The following SH3KBP1 variants were observed in gnomAD, a reference collection of about 807,000 sequenced individuals.
SH3KBP1 encodes the protein SH3 domain containing kinase binding protein 1, also known as SH3 domain-containing kinase-binding protein 1.
Under a neutral mutation model 50.1 loss-of-function variants are expected in SH3KBP1, and 8 were observed. The ratio of observed to expected loss-of-function variants is 0.16; its 90% CI spans 0.09 to 0.29. The LOEUF is 0.29. Ranked by LOEUF, SH3KBP1 falls within the 10% of genes least tolerant of loss-of-function variation. SH3KBP1 has a pLI of 1.00. For synonymous variants in SH3KBP1, 227 were observed against 218.6 expected, an observed-to-expected ratio of 1.04 and a Z score of -0.34; for missense variants, 377 against 535.2, an observed-to-expected ratio of 0.70 and a Z score of 2.92.
At chrX:19,638,403 C>T (rs1288564699) in intron 7 of SH3KBP1, among the ~76,000 whole-genome samples, 3 of 77,924 alleles carry the variant, frequency 3.8e-5, no homozygotes, top group African/African-American at 6.6e-5. Flanking sequence ...GAGCAGACTC[C>T]GTCTCAAAAA....
intron 6 of SH3KBP1, among the ~76,000 whole-genome samples, chrX:19,660,476 T>A (rs2062418932): frequency 9.0e-6 from 1 of 111,200 alleles, no homozygotes; most frequent in Non-Finnish European, 1.9e-5. Context: ...AAGCGATAAC[T>A]GAAAAATGGA....
intron 3 of SH3KBP1, among the ~76,000 whole-genome samples, chrX:19,714,836 T>C (rs2063865164): frequency 8.9e-6 from 1 of 112,491 alleles, no homozygotes; most frequent in South Asian, 3.6e-4. Flanking sequence ...TAATTCTAGA[T>C]AATAGCATGT....
intron 6 of SH3KBP1, among the ~76,000 whole-genome samples, chrX:19,646,162 G>A (rs1006083571): frequency 1.3e-4 from 14 of 111,795 alleles, no homozygotes; most frequent in Admixed American, 1.0e-3. Flanking sequence ...AAAATCCAGC[G>A]CCTCAGACCC....
chrX:19,731,352 G>A (rs1202704813), intron 3 of SH3KBP1, among the ~76,000 whole-genome samples: 2 of 112,318 alleles, frequency 1.8e-5, no homozygotes, highest in Admixed American at 1.9e-4. Flanking sequence ...ACTCGCCATC[G>A]CATGTTACAC....
intron 2 of SH3KBP1, among the ~76,000 whole-genome samples, chrX:19,817,535 T>C (rs1197705740): frequency 8.9e-6 from 1 of 112,587 alleles, no homozygotes; most frequent in Non-Finnish European, 1.9e-5. Flanking sequence ...CTACATAACA[T>C]TGTTTTTGTC....
chrX:19,618,100 C>T (rs6633290), intron 8 of SH3KBP1, among the ~76,000 whole-genome samples: 1 of 110,518 alleles, frequency 9.0e-6, no homozygotes, highest in Non-Finnish European at 1.9e-5. Context: ...AAAGATGTTT[C>T]TAGGGCTAGG....
intron 6 of SH3KBP1, among the ~76,000 whole-genome samples, chrX:19,646,838 C>T (rs1382718898): frequency 2.7e-5 from 3 of 111,320 alleles, no homozygotes; most frequent in African/African-American, 9.9e-5. Flanking sequence ...TATTTAGTGC[C>T]GCAGGGCCTT....
chrX:19,832,077 A>C (rs1225538925), intron 2 of SH3KBP1, among the ~76,000 whole-genome samples: 1 of 112,399 alleles, frequency 8.9e-6, no homozygotes, highest in Non-Finnish European at 1.9e-5. Context: ...AAAGAATAGA[A>C]GTTTCTTTTT....
At chrX:19,832,656 C>G (rs2067928444) in intron 2 of SH3KBP1, among the ~76,000 whole-genome samples, 1 of 110,741 alleles carries the variant, frequency 9.0e-6, no homozygotes, top group Non-Finnish European at 1.9e-5. Context: ...CCCCCGCCCC[C>G]CAATCTCACT....
intron 1 of SH3KBP1, among the ~76,000 whole-genome samples, chrX:19,880,577 C>T (rs760206114): frequency 1.8e-5 from 2 of 112,723 alleles, no homozygotes; most frequent in Non-Finnish European, 3.8e-5. Context: ...TATGGTACAG[C>T]ACACCTTTGG....
intron 1 of SH3KBP1, among the ~76,000 whole-genome samples, chrX:19,877,004 A>G (rs893390992): frequency 1.3e-4 from 15 of 111,113 alleles, no homozygotes; most frequent in Admixed American, 1.3e-3. Context: ...TTGTTTCCTG[A>G]CAGCCAAAAG....
intron 1 of SH3KBP1, 74 bp downstream of exon 1, chrX:19,887,233 C>T: frequency 8.8e-6 from 8 of 910,837 alleles, no homozygotes; most frequent in Non-Finnish European, 1.1e-5. Flanking sequence ...CCCTCCCGGG[C>T]TCCGCGGTTC....
At chrX:19,774,364 T>C (rs2065893403) in intron 2 of SH3KBP1, among the ~76,000 whole-genome samples, 1 of 111,454 alleles carries the variant, frequency 9.0e-6, no homozygotes, top group Admixed American at 9.6e-5. Context: ...TGATGCTCAC[T>C]TGGTTAACTT....
intron 3 of SH3KBP1, among the ~76,000 whole-genome samples, chrX:19,711,144 G>A (rs1473009649): frequency 9.0e-6 from 1 of 111,235 alleles, no homozygotes; most frequent in Non-Finnish European, 1.9e-5. Flanking sequence ...TCCCACATCT[G>A]ACTGTTCTTA....
chrX:19,668,207 A>C (rs1203429698), intron 6 of SH3KBP1, among the ~76,000 whole-genome samples: 2 of 110,683 alleles, frequency 1.8e-5, no homozygotes, highest in African/African-American at 6.6e-5. Flanking sequence ...ATTCAGGCTC[A>C]AAAAAAAGTC....
Position 19,874,735 on chromosome X carries a change from G to A in SH3KBP1, c.4+12572C>T, listed in dbSNP as rs146300926. On this transcript the variant is annotated intron_variant, in intron 1 of 17. Coordinates refer to ENST00000397821, the MANE Select transcript of SH3KBP1 (RefSeq NM_031892.3). ...GGCTGGGGGTGGACAGTGAGGATGC[G>A]GGGAGAGAGACTAAGAGGGAAAGAG... 7.2e-3 allele frequency among the ~76,000 whole-genome samples: 736 copies of A among 102,690 alleles called. 24 individuals are homozygous for A. Among genetic ancestry groups the A allele is most frequent in the East Asian group, 0.071 (224 of 3,157 alleles). 89.2% of individuals were successfully genotyped at this position (102,690 alleles called of 115,157 possible).
intron 2 of SH3KBP1, among the ~76,000 whole-genome samples, chrX:19,828,490 AGCAAGACCCGCCCAG>A (rs978608191): frequency 4.5e-5 from 5 of 111,952 alleles, no homozygotes; most frequent in Non-Finnish European, 9.4e-5. Flanking sequence ...TGAACAACAT[AGCAAGACCCGCCCAG>A]GCACGGTGGC....
intron 2 of SH3KBP1, among the ~76,000 whole-genome samples, chrX:19,823,985 T>C (rs910688377): frequency 1.6e-4 from 18 of 111,043 alleles, no homozygotes; most frequent in African/African-American, 4.6e-4. Flanking sequence ...CACGCCTGGC[T>C]ACTTTTTGTA....
intron 2 of SH3KBP1, among the ~76,000 whole-genome samples, chrX:19,793,734 C>A (rs915956015): frequency 9.0e-6 from 1 of 111,328 alleles, no homozygotes; most frequent in Non-Finnish European, 1.9e-5. Flanking sequence ...GCTAACTTGG[C>A]AGTGATTTTT....
Sources: allele counts gnomAD v4.1 joint callset (sites outside exome capture counted in the v4.1 genomes callset), GRCh38; gene constraint gnomAD v4.1.1; transcripts MANE v1.5; gene names NCBI Gene and HGNC (gene_info 2026-07-23, HGNC 2026-07-21).